Variants in ST6GALNAC3 observed in about 807,000 individuals in gnomAD.
The protein encoded by ST6GALNAC3 is alpha-N-acetylgalactosaminide alpha-2,6-sialyltransferase 3.
Under a neutral mutation model 32.7 loss-of-function variants are expected in ST6GALNAC3, and 25 were observed. The observed-to-expected ratio is 0.76, with a 90% confidence interval of 0.56 to 1.07. ST6GALNAC3 has a LOEUF of 1.07. Ranked by LOEUF, ST6GALNAC3 falls within the 50% of genes least tolerant of loss-of-function variation. The pLI, the probability that ST6GALNAC3 is intolerant of heterozygous loss-of-function variation, is 0.00. For synonymous variants in ST6GALNAC3, 129 were observed against 133.1 expected (o/e 0.97, Z 0.21); for missense variants, 355 against 382.4 (o/e 0.93, Z 0.60).
At chr1:76,403,234 T>C (rs1011088289) in intron 2 of ST6GALNAC3, among the ~76,000 whole-genome samples, 2 of 152,026 alleles carry the variant, frequency 1.3e-5, no homozygotes, top group African/African-American at 4.8e-5. Context: ...TAAAAATAAC[T>C]CTGTAGGAAA....
At position 76,631,094 on chromosome 1, in the gene ST6GALNAC3, C is replaced by T; in HGVS notation, c.*2288C>T. 1 of 910,658 alleles carries T rather than the reference C, an allele frequency of 1.1e-6. No homozygotes were observed. Among genetic ancestry groups the T allele is most frequent in the Non-Finnish European group, 1.3e-6 (1 of 761,886 alleles). 56.4% of individuals were successfully genotyped at this position (910,658 alleles called of 1,614,324 possible). A position where few individuals can be genotyped will look rare whatever the true frequency, so the allele number is the denominator to read the frequency against. On this transcript the variant is annotated 3_prime_UTR_variant, in exon 5 of 5. Coordinates refer to ENST00000328299, the MANE Select transcript of ST6GALNAC3 (RefSeq NM_152996.4). Reference sequence around the variant, plus strand: ...TTGTAGCTTTCTCTGATGAAGACTTCTGCAGTATATTGTATCCCTCACTCT... The same window carrying T: ...TTGTAGCTTTCTCTGATGAAGACTTTTGCAGTATATTGTATCCCTCACTCT...
chr1:76,210,007 A>T (rs1394529353), intron 1 of ST6GALNAC3, among the ~76,000 whole-genome samples: 2 of 151,564 alleles, frequency 1.3e-5, no homozygotes, highest in African/African-American at 4.8e-5. Flanking sequence ...TTGGTTGGTC[A>T]GTGCCCATAA....
intron 1 of ST6GALNAC3, among the ~76,000 whole-genome samples, chr1:76,102,786 C>A (rs771239376): frequency 6.6e-6 from 1 of 151,930 alleles, no homozygotes; most frequent in Non-Finnish European, 1.5e-5. Context: ...TATATTTATT[C>A]TTTTCTTTGT....
At chr1:76,513,352 A>T (rs753130792) in intron 3 of ST6GALNAC3, among the ~76,000 whole-genome samples, 7 of 152,160 alleles carry the variant, frequency 4.6e-5, no homozygotes, top group Non-Finnish European at 1.0e-4. Flanking sequence ...GCTCGTGGAT[A>T]TCCTATTTTT....
intron 3 of ST6GALNAC3, among the ~76,000 whole-genome samples, chr1:76,585,586 G>A (rs990280692): frequency 6.6e-6 from 1 of 152,072 alleles, no homozygotes; most frequent in Non-Finnish European, 1.5e-5. Context: ...TAGATGCACA[G>A]TTCATGCTGG....
intron 4 of ST6GALNAC3, among the ~76,000 whole-genome samples, chr1:76,628,294 G>GA (rs1220631857): frequency 5.9e-5 from 9 of 152,014 alleles, no homozygotes; most frequent in African/African-American, 2.2e-4. Context: ...ATCTTACTGT[G>GA]AAAAATCACA....
At chr1:76,163,729 T>C (rs910557129) in intron 1 of ST6GALNAC3, among the ~76,000 whole-genome samples, 2 of 152,222 alleles carry the variant, frequency 1.3e-5, no homozygotes, top group African/African-American at 2.4e-5. Context: ...ATACAACTTT[T>C]ACATTTTAGG....
chr1:76,395,468 A>G (rs1652878555), intron 2 of ST6GALNAC3, among the ~76,000 whole-genome samples: 1 of 152,188 alleles, frequency 6.6e-6, no homozygotes, highest in South Asian at 2.1e-4. Flanking sequence ...GCAAATCAGT[A>G]TATCAAAAGT....
At chr1:76,236,945 T>G (rs1374418626) in intron 1 of ST6GALNAC3, among the ~76,000 whole-genome samples, 1 of 152,104 alleles carries the variant, frequency 6.6e-6, no homozygotes, top group Non-Finnish European at 1.5e-5. Context: ...TAACATTCAG[T>G]GAACAGAGTC....
intron 3 of ST6GALNAC3, among the ~76,000 whole-genome samples, chr1:76,493,791 G>T (rs1440002077): frequency 6.6e-6 from 1 of 152,076 alleles, no homozygotes; most frequent in Non-Finnish European, 1.5e-5. Flanking sequence ...AAAAAAAGAA[G>T]AGGTATTGAA....
At chr1:76,223,432 A>G (rs1452957011) in intron 1 of ST6GALNAC3, among the ~76,000 whole-genome samples, 3 of 152,128 alleles carry the variant, frequency 2.0e-5, no homozygotes, top group Non-Finnish European at 4.4e-5. Flanking sequence ...GAGAGGATCG[A>G]AAAACTACCT....
At chr1:76,458,728 A>G (rs1489863624) in intron 3 of ST6GALNAC3, among the ~76,000 whole-genome samples, 1 of 101,262 alleles carries the variant, frequency 9.9e-6, no homozygotes, top group African/African-American at 3.9e-5. Flanking sequence ...CACTCTGGGG[A>G]CTGTTGTGGG....
chr1:76,141,506 A>G (rs1275924906), intron 1 of ST6GALNAC3, among the ~76,000 whole-genome samples: 2 of 152,190 alleles, frequency 1.3e-5, no homozygotes, highest in Non-Finnish European at 2.9e-5. Context: ...GAGGAGGAGA[A>G]TCAGCATTCA....
At chr1:76,521,867 G>C (rs1380916068) in intron 3 of ST6GALNAC3, among the ~76,000 whole-genome samples, 2 of 151,984 alleles carry the variant, frequency 1.3e-5, no homozygotes, top group East Asian at 1.9e-4. Context: ...TCAGGAGTTC[G>C]AGACCAGCCT....
chr1:76,109,349 C>T (rs1297645684), intron 1 of ST6GALNAC3, among the ~76,000 whole-genome samples: 1 of 152,170 alleles, frequency 6.6e-6, no homozygotes, highest in Non-Finnish European at 1.5e-5. Flanking sequence ...ACCAAAGACT[C>T]CCCGTAAGCT....
chr1:76,365,006 TA>T (rs964776389), intron 2 of ST6GALNAC3, among the ~76,000 whole-genome samples: 10 of 152,098 alleles, frequency 6.6e-5, no homozygotes, highest in African/African-American at 1.7e-4. Flanking sequence ...AAATTATATT[TA>T]AAAAACACCT....
At chr1:76,423,903 T>G (rs1655196330) in intron 3 of ST6GALNAC3, among the ~76,000 whole-genome samples, 1 of 151,946 alleles carries the variant, frequency 6.6e-6, no homozygotes, top group Non-Finnish European at 1.5e-5. Flanking sequence ...TTCTTCTAGT[T>G]GATAGTAGAT....
intron 1 of ST6GALNAC3, among the ~76,000 whole-genome samples, chr1:76,172,411 C>T (rs1652579766): frequency 6.6e-6 from 1 of 152,110 alleles, no homozygotes; most frequent in Admixed American, 6.6e-5. Flanking sequence ...GGAAGCATTC[C>T]CTTTGAAAAC....
chr1:76,438,174 C>CAA (rs1244717720), intron 3 of ST6GALNAC3, among the ~76,000 whole-genome samples: 1 of 147,930 alleles, frequency 6.8e-6, no homozygotes, highest in Non-Finnish European at 1.5e-5. Flanking sequence ...TTCAGTGAGA[C>CAA]AGAGTCTCGC....
Sources: gnomAD v4.1 joint callset for allele counts (sites outside exome capture counted in the v4.1 genomes callset) on GRCh38, gnomAD v4.1.1 for gene constraint, MANE v1.5 for transcripts, NCBI Gene and HGNC (gene_info 2026-07-23, HGNC 2026-07-21) for gene names.